Variants in EFCAB13 observed in about 807,000 individuals in gnomAD.
EFCAB13 encodes the protein EF-hand calcium-binding domain-containing protein 13.
Under a neutral mutation model 110.2 loss-of-function variants are expected in EFCAB13, and 91 were observed. The observed-to-expected ratio is 0.83, with a 90% CI of 0.70 to 0.98. The LOEUF is 0.98. Among genes scored for constraint, EFCAB13 ranks in the 50% least tolerant of loss-of-function variants. EFCAB13 has a pLI of 0.00. For missense variants in EFCAB13, 968 were observed against 1,119.4 expected (o/e 0.86, Z 1.93); for synonymous variants, 323 against 369.9 (o/e 0.87, Z 1.45).
At chr17:47,325,556 C>G (rs1311758026) in intron 2 of EFCAB13, among the ~76,000 whole-genome samples, 1 of 152,148 alleles carries the variant, frequency 6.6e-6, no homozygotes, top group Non-Finnish European at 1.5e-5. Flanking sequence ...CCTCTCTGAT[C>G]TCTCCTGCTT....
At chr17:47,335,931 A>T (rs547143081) in intron 5 of EFCAB13, among the ~76,000 whole-genome samples, 1 of 152,306 alleles carries the variant, frequency 6.6e-6, no homozygotes, top group East Asian at 1.9e-4. Context: ...TTAGGTAGGG[A>T]CACAGAGTCA....
chr17:47,351,296 TGTGTGTGTGCGCGCGC>T (rs758256516), intron 9 of EFCAB13, among the ~76,000 whole-genome samples: 24 of 140,304 alleles, frequency 1.7e-4, no homozygotes, highest in South Asian at 2.3e-4. Flanking sequence ...TGTGTGTGTG[TGTGTGTGTGCGCGCGC>T]GCGCGCGCGC....
intron 5 of EFCAB13, among the ~76,000 whole-genome samples, chr17:47,338,554 A>G (rs1396288704): frequency 6.7e-6 from 1 of 148,242 alleles, no homozygotes; most frequent in Non-Finnish European, 1.5e-5. Flanking sequence ...CTGGTTTACT[A>G]CTAGTTTTTT....
intron 23 of EFCAB13, among the ~76,000 whole-genome samples, chr17:47,425,769 T>C (rs778914377): frequency 2.0e-5 from 3 of 152,194 alleles, no homozygotes; most frequent in Non-Finnish European, 4.4e-5. Flanking sequence ...TTCAATAGCA[T>C]GTTAAGTAGG....
chr17:47,421,571 G>T (rs9911944), intron 23 of EFCAB13, among the ~76,000 whole-genome samples: 62,480 of 142,018 alleles, frequency 0.44, 12,884 homozygotes, highest in Non-Finnish European at 0.46. Context: ...CTCCACTATT[G>T]TCCTATGACC....
At chr17:47,328,993 G>A (rs1242003568) in intron 4 of EFCAB13, 1 of 152,170 alleles carries the variant, frequency 6.6e-6, no homozygotes, top group Non-Finnish European at 1.5e-5. Flanking sequence ...TGTCTCAAGG[G>A]TTGGGCAGAA....
chr17:47,391,425 CT>C lies in EFCAB13; in HGVS notation c.1583-9del. 1 of 1,533,300 alleles carries C rather than the reference CT, an allele frequency of 6.5e-7. No individual in the cohort carries two copies. The highest frequency in any genetic ancestry group is 8.7e-7 in the Non-Finnish European group (1 of 1,146,738). The allele number at this position is 1,533,300 out of a possible 1,614,324, so 95.0% of individuals were successfully genotyped here. Reference sequence around the variant, plus strand: ...ATATTTAATACTTATTAGCATACTCCTTTATTTTTAGCGTTGCCTGGTGTCA... The same window carrying C: ...ATATTTAATACTTATTAGCATACTCCTTATTTTTAGCGTTGCCTGGTGTCA... On this transcript the variant is annotated splice_polypyrimidine_tract_variant and intron_variant, in intron 14 of 24. Coordinates refer to ENST00000331493, the MANE Select transcript of EFCAB13 (RefSeq NM_152347.5).
chr17:47,327,924 C>T (rs2065296614), intron 3 of EFCAB13: 1 of 239,218 alleles, frequency 4.2e-6, no homozygotes, highest in African/African-American at 2.2e-5. Context: ...TGATATTTAG[C>T]ACACAGTAAG....
chr17:47,360,687 T>C (rs1256613341), intron 9 of EFCAB13, among the ~76,000 whole-genome samples: 1 of 152,212 alleles, frequency 6.6e-6, no homozygotes, highest in Non-Finnish European at 1.5e-5. Flanking sequence ...GTTTTAGACA[T>C]GAAGTCCTCG....
chr17:47,342,990 G>A (rs950737195), intron 6 of EFCAB13, among the ~76,000 whole-genome samples: 1 of 151,978 alleles, frequency 6.6e-6, no homozygotes, highest in African/African-American at 2.4e-5. Context: ...TATGCCCTGT[G>A]TCATGTTTTT....
At chr17:47,416,331 T>G (rs1382451663) in intron 23 of EFCAB13, among the ~76,000 whole-genome samples, 1 of 152,216 alleles carries the variant, frequency 6.6e-6, no homozygotes, top group Non-Finnish European at 1.5e-5. Flanking sequence ...ACTTTCTGTC[T>G]GTATGAATTT....
intron 17 of EFCAB13, among the ~76,000 whole-genome samples, chr17:47,398,196 G>A (rs1215688816): frequency 6.9e-6 from 1 of 145,012 alleles, no homozygotes; most frequent in African/African-American, 2.5e-5. Flanking sequence ...GGGAAGTGAG[G>A]AGCCCCTCTG....
intron 10 of EFCAB13, among the ~76,000 whole-genome samples, chr17:47,362,612 C>T (rs1869215332): frequency 2.0e-5 from 3 of 152,214 alleles, no homozygotes; most frequent in African/African-American, 4.8e-5. Context: ...GAGGCCTAAC[C>T]GTCTCCCTGT....
chr17:47,324,432 C>A (rs2065268505), intron 1 of EFCAB13, 22 bp from the exon 2 acceptor site: 1 of 152,174 alleles, frequency 6.6e-6, no homozygotes, highest in South Asian at 2.1e-4. Flanking sequence ...CGCTAGCTTA[C>A]AGGTCCTCTT....
chr17:47,427,186 T>A (rs1342973578), intron 23 of EFCAB13, among the ~76,000 whole-genome samples: 1 of 152,106 alleles, frequency 6.6e-6, no homozygotes, highest in African/African-American at 2.4e-5. Flanking sequence ...ATTGATAGAC[T>A]GCCTTTTCCA....
chr17:47,393,593 G>A (rs1171672649), intron 15 of EFCAB13, among the ~76,000 whole-genome samples: 3 of 152,076 alleles, frequency 2.0e-5, no homozygotes, highest in African/African-American at 4.8e-5. Context: ...TGACGTGCCT[G>A]TAATCCCAGC....
chr17:47,370,044 C>T (rs977300711), intron 10 of EFCAB13: 5 of 174,630 alleles, frequency 2.9e-5, no homozygotes, highest in Admixed American at 6.4e-5. Context: ...AGGTACTTTG[C>T]GAGGCATTGG....
rs150163295 is a variant in EFCAB13 at position 47,428,498 on chromosome 17, A to C, written c.2495-1320A>C. ...AACATAGTGCTTATCATGTTATCATAACAAAGTTACTGTAATTAAGACAGT... is the reference window on the plus strand; with the variant it reads ...AACATAGTGCTTATCATGTTATCATCACAAAGTTACTGTAATTAAGACAGT... On this transcript the variant is annotated intron_variant, in intron 23 of 24. Coordinates refer to ENST00000331493, the MANE Select transcript of EFCAB13 (RefSeq NM_152347.5). 3.2e-3 allele frequency among the ~76,000 whole-genome samples: 483 copies of C among 152,186 alleles called. 1 individual carries two copies. The highest frequency in any genetic ancestry group is 4.4e-3 in the Non-Finnish European group (301 of 67,950).
intron 10 of EFCAB13, among the ~76,000 whole-genome samples, chr17:47,367,926 AG>A (rs772044614): frequency 7.9e-5 from 12 of 152,160 alleles, no homozygotes; most frequent in Non-Finnish European, 1.5e-4. Context: ...GCTGGTGGGC[AG>A]GGGACTAGAC....
Sources: gnomAD v4.1 joint callset for allele counts (sites outside exome capture counted in the v4.1 genomes callset) on GRCh38, gnomAD v4.1.1 for gene constraint, MANE v1.5 for transcripts, NCBI Gene and HGNC (gene_info 2026-07-23, HGNC 2026-07-21) for gene names.